The following NBEA variants were observed in gnomAD, a reference collection of about 807,000 sequenced individuals.
The protein encoded by NBEA is lysosomal-trafficking regulator 2.
Under a neutral mutation model 343.4 loss-of-function variants are expected in NBEA, and 44 were observed. The observed-to-expected ratio is 0.13, with a 90% CI of 0.10 to 0.16. NBEA has a LOEUF of 0.16. Among genes scored for constraint, NBEA ranks in the 10% least tolerant of loss-of-function variants. The probability of loss-of-function intolerance (pLI) is 1.00; values close to 1 mark genes in which losing one functional copy is unlikely to be tolerated. For synonymous variants in NBEA, 1,175 were observed against 1,238.7 expected (o/e 0.95, Z 1.08); for missense variants, 2,555 against 3,631.3 (o/e 0.70, Z 7.62).
chr13:35,301,163 A>C (rs2036515911), intron 35 of NBEA, among the ~76,000 whole-genome samples: 1 of 151,656 alleles, frequency 6.6e-6, no homozygotes, highest in African/African-American at 2.4e-5. Context: ...ATGAGAGTCC[A>C]CAATATGTTT....
chr13:35,006,411 CCTT>C (rs2061319902), intron 1 of NBEA, among the ~76,000 whole-genome samples: 2 of 152,100 alleles, frequency 1.3e-5, no homozygotes, highest in Admixed American at 6.5e-5. Flanking sequence ...TTTCATTTAT[CCTT>C]CTCCCAAATT....
intron 10 of NBEA, among the ~76,000 whole-genome samples, chr13:35,088,423 C>A (rs978306871): frequency 6.6e-6 from 1 of 151,782 alleles, no homozygotes; most frequent in Non-Finnish European, 1.5e-5. Flanking sequence ...GTAATATAAT[C>A]CAATTTCCAT....
At chr13:35,323,261 A>G (rs2038294146) in intron 36 of NBEA, among the ~76,000 whole-genome samples, 1 of 152,096 alleles carries the variant, frequency 6.6e-6, no homozygotes, top group African/African-American at 2.4e-5. Context: ...AGACACATGC[A>G]CACGTATGTT....
intron 8 of NBEA, among the ~76,000 whole-genome samples, chr13:35,059,197 CTTG>C (rs540453783): frequency 2.0e-4 from 30 of 151,706 alleles, no homozygotes; most frequent in African/African-American, 7.0e-4. Context: ...TAATAAAGAA[CTTG>C]TTAATATTAC....
intron 30 of NBEA, among the ~76,000 whole-genome samples, chr13:35,189,007 C>T (rs1181239284): frequency 1.3e-5 from 2 of 151,152 alleles, no homozygotes; most frequent in Non-Finnish European, 2.9e-5. Flanking sequence ...GCAACCTCCA[C>T]CTCCCGGGTT....
intron 45 of NBEA, among the ~76,000 whole-genome samples, chr13:35,580,752 T>A (rs1413201567): frequency 6.6e-6 from 1 of 152,186 alleles, no homozygotes; most frequent in Non-Finnish European, 1.5e-5. Context: ...TCTAACCTTA[T>A]TAGGTAAAAA....
chr13:35,535,081 G>T (rs1481710271), intron 41 of NBEA, among the ~76,000 whole-genome samples: 1 of 150,186 alleles, frequency 6.7e-6, no homozygotes, highest in Non-Finnish European at 1.5e-5. Context: ...TGCAAGTCGG[G>T]TAATCTCTAA....
intron 31 of NBEA, among the ~76,000 whole-genome samples, chr13:35,198,826 A>T (rs998804714): frequency 6.6e-6 from 1 of 152,070 alleles, no homozygotes; most frequent in African/African-American, 2.4e-5. Context: ...CACTGCACGT[A>T]ACTCAAGTCT....
At chr13:35,668,312 T>G in intron 57 of NBEA, 56 bp from the exon 58 acceptor site, 1 of 1,506,152 alleles carries the variant, frequency 6.6e-7, no homozygotes, top group Non-Finnish European at 9.0e-7. Context: ...AAATGGTTGT[T>G]GTGTATTTTA....
intron 39 of NBEA, among the ~76,000 whole-genome samples, chr13:35,450,543 A>G (rs2046259064): frequency 1.3e-5 from 2 of 152,136 alleles, no homozygotes; most frequent in Non-Finnish European, 1.5e-5. Flanking sequence ...GGACTGTTGG[A>G]AGTTCTATGG....
intron 27 of NBEA, among the ~76,000 whole-genome samples, chr13:35,175,195 C>T (rs1445171998): frequency 2.0e-5 from 3 of 152,134 alleles, no homozygotes; most frequent in African/African-American, 7.2e-5. Flanking sequence ...ACTGGTTTTG[C>T]GACCTGAGAG....
At chr13:35,124,554 AC>A (rs1397220584) in intron 17 of NBEA, among the ~76,000 whole-genome samples, 1 of 150,086 alleles carries the variant, frequency 6.7e-6, no homozygotes, top group Non-Finnish European at 1.5e-5. Flanking sequence ...ATATATATAT[AC>A]ATACACATAT....
intron 33 of NBEA, among the ~76,000 whole-genome samples, chr13:35,215,594 T>C (rs1385681200): frequency 6.6e-6 from 1 of 151,736 alleles, no homozygotes; most frequent in African/African-American, 2.4e-5. Context: ...AATTTTGTAT[T>C]AGTACATTGA....
At chr13:35,360,510 A>G (rs1019763984) in intron 38 of NBEA, among the ~76,000 whole-genome samples, 2 of 152,104 alleles carry the variant, frequency 1.3e-5, no homozygotes, top group African/African-American at 4.8e-5. Context: ...ACCGTTTCTC[A>G]AGGACAGACA....
chr13:34,951,879 G>A (rs992950784), intron 1 of NBEA, among the ~76,000 whole-genome samples: 25 of 152,172 alleles, frequency 1.6e-4, no homozygotes, highest in African/African-American at 5.5e-4. Context: ...AGTCTAAGGG[G>A]CAAGTTAAAG....
chr13:35,074,565 G>A (rs993063377), intron 10 of NBEA, among the ~76,000 whole-genome samples: 2 of 152,028 alleles, frequency 1.3e-5, no homozygotes, highest in African/African-American at 2.4e-5. Context: ...GACAAATTTG[G>A]GCTCAAATCC....
intron 1 of NBEA, among the ~76,000 whole-genome samples, chr13:34,992,234 GTGTGTA>G (rs2060782224): frequency 1.1e-4 from 12 of 110,256 alleles, no homozygotes; most frequent in Admixed American, 2.1e-4. Context: ...GTGTGTGTGT[GTGTGTA>G]TATATATATA....
At chr13:35,556,335 C>T (rs1447157602) in intron 44 of NBEA, among the ~76,000 whole-genome samples, 3 of 152,040 alleles carry the variant, frequency 2.0e-5, no homozygotes, top group Admixed American at 6.6e-5. Context: ...CAACTTTCAA[C>T]ACCAAAGAGA....
At chr13:35,430,566 G>A (rs1566122550) in intron 38 of NBEA, among the ~76,000 whole-genome samples, 3 of 152,208 alleles carry the variant, frequency 2.0e-5, no homozygotes, top group Admixed American at 6.5e-5. Flanking sequence ...TCTAGAATTT[G>A]TATGGGGTTT....
Sources: gnomAD v4.1 joint callset for allele counts (sites outside exome capture counted in the v4.1 genomes callset) on GRCh38, gnomAD v4.1.1 for gene constraint, MANE v1.5 for transcripts, NCBI Gene and HGNC (gene_info 2026-07-23, HGNC 2026-07-21) for gene names.